PSMA8: variants seen among roughly 807,000 people sequenced by gnomAD.
PSMA8 encodes the protein proteasome subunit alpha-type 8.
Under a neutral mutation model 32.4 loss-of-function variants are expected in PSMA8, and 18 were observed. That is an observed-to-expected ratio of 0.56 (90% CI 0.38 to 0.82). PSMA8 has a LOEUF of 0.82. PSMA8 is among the 40% of genes least tolerant of loss of function. PSMA8 has a pLI of 0.00. For synonymous variants in PSMA8, 104 were observed against 98.1 expected (o/e 1.06, Z -0.36); for missense variants, 298 against 300.7 (o/e 0.99, Z 0.07).
chr18:26,142,759 T>G (rs1253087901), intron 1 of PSMA8, among the ~76,000 whole-genome samples: 1 of 152,180 alleles, frequency 6.6e-6, no homozygotes, highest in Non-Finnish European at 1.5e-5. Flanking sequence ...TCTTGCTGTG[T>G]CCTCACATGG....
intron 6 of PSMA8, among the ~76,000 whole-genome samples, chr18:26,186,248 CAAAAAAAAAA>C (rs534639436): frequency 3.6e-4 from 10 of 27,828 alleles, no homozygotes; most frequent in African/African-American, 6.1e-4. Context: ...GACTCTGTCT[CAAAAAAAAAA>C]AAAAAAAAAA....
chr18:26,148,252 G>A (rs1312772132), intron 2 of PSMA8, among the ~76,000 whole-genome samples: 1 of 151,996 alleles, frequency 6.6e-6, no homozygotes, highest in Non-Finnish European at 1.5e-5. Context: ...CTTATGAGCA[G>A]TGAGCAAAAA....
chr18:26,189,919 C>T (rs117888077), intron 6 of PSMA8, among the ~76,000 whole-genome samples: 6 of 152,152 alleles, frequency 3.9e-5, no homozygotes, highest in Non-Finnish European at 7.4e-5. Flanking sequence ...GATGAATGTA[C>T]GAAGACAATG....
At chr18:26,180,126 G>A (rs1470717253) in intron 6 of PSMA8, among the ~76,000 whole-genome samples, 9 of 151,978 alleles carry the variant, frequency 5.9e-5, no homozygotes, top group East Asian at 1.9e-4. Context: ...GGTGGCAGAC[G>A]CCTGTGATCC....
chr18:26,151,842 T>G lies in PSMA8; in HGVS notation c.230-16T>G. ...ATGTTTTTGTGGTTTTTGTGAAGTT[T>G]TGACAATTTTTATAGGACTTACTGC... On this transcript the variant is annotated splice_polypyrimidine_tract_variant and intron_variant, in intron 2 of 6. Transcript: ENST00000415576. The G allele has an allele frequency of 6.4e-7, 1 of 1,573,414 alleles. No homozygotes were observed. Among genetic ancestry groups the G allele is most frequent in the Non-Finnish European group, 8.6e-7 (1 of 1,165,384 alleles).
At chr18:26,142,374 C>T (rs555505164) in intron 1 of PSMA8, among the ~76,000 whole-genome samples, 2 of 152,232 alleles carry the variant, frequency 1.3e-5, no homozygotes, top group South Asian at 2.1e-4. Context: ...CACTTGACTA[C>T]AAAGCAATTA....
chr18:26,140,227 C>A, intron 1 of PSMA8: 1 of 679,216 alleles, frequency 1.5e-6, no homozygotes, highest in South Asian at 1.6e-5. Flanking sequence ...ATGCCTAGGT[C>A]AGCAGGCAGG....
At chr18:26,150,022 T>C (rs1199679877) in intron 2 of PSMA8, among the ~76,000 whole-genome samples, 2 of 152,200 alleles carry the variant, frequency 1.3e-5, no homozygotes, top group Non-Finnish European at 2.9e-5. Flanking sequence ...ACACACCCAA[T>C]TGGAAAATCC....
At chr18:26,184,773 C>CAA (rs1278227957) in intron 6 of PSMA8, among the ~76,000 whole-genome samples, 14 of 76,992 alleles carry the variant, frequency 1.8e-4, no homozygotes, top group South Asian at 8.0e-4. Context: ...GACTCTGTCT[C>CAA]AAAAAAAAAA....
rs112894067 is a variant in PSMA8 at position 26,183,091 on chromosome 18, C to CA, written c.660+3969dup. Reference sequence around the variant, plus strand: ...AGGGCAGCAGAACGAGACTCTGTCTCAAAAAAAACAAACAAAAAGGCCGGG... The same window carrying CA: ...AGGGCAGCAGAACGAGACTCTGTCTCAAAAAAAAACAAACAAAAAGGCCGGG... On this transcript the variant is annotated intron_variant, in intron 6 of 6. Coordinates refer to ENST00000415576, the MANE Select transcript of PSMA8 (RefSeq NM_001025096.2). 1.4e-4 allele frequency among the ~76,000 whole-genome samples: 21 copies of CA among 146,832 alleles called. 2 individuals are homozygous for CA. The highest frequency in any genetic ancestry group is 7.1e-3 in the Middle Eastern group (2 of 282).
intron 1 of PSMA8, among the ~76,000 whole-genome samples, chr18:26,134,336 T>TATGG: frequency 6.9e-6 from 1 of 144,708 alleles, no homozygotes; most frequent in Admixed American, 7.1e-5. Flanking sequence ...AGGGTGTGTG[T>TATGG]GTGGGTGTGT....
chr18:26,189,278 A>T (rs1447563679), intron 6 of PSMA8, among the ~76,000 whole-genome samples: 1 of 152,216 alleles, frequency 6.6e-6, no homozygotes, highest in Non-Finnish European at 1.5e-5. Context: ...TTGTAATCCC[A>T]GCACTTTGGG....
chr18:26,180,604 G>A (rs1359838009), intron 6 of PSMA8, among the ~76,000 whole-genome samples: 1 of 151,990 alleles, frequency 6.6e-6, no homozygotes, highest in Non-Finnish European at 1.5e-5. Context: ...AGAGCCCAGG[G>A]ACAGATGCAG....
chr18:26,160,960 A>T (rs2055130488), intron 4 of PSMA8, among the ~76,000 whole-genome samples: 1 of 152,190 alleles, frequency 6.6e-6, no homozygotes, highest in Non-Finnish European at 1.5e-5. Flanking sequence ...GCCTCCAGAA[A>T]ATACTTTGAA....
intron 4 of PSMA8, among the ~76,000 whole-genome samples, chr18:26,165,542 T>C (rs1196355338): frequency 1.3e-5 from 2 of 152,030 alleles, no homozygotes; most frequent in Admixed American, 1.3e-4. Flanking sequence ...GAACAGTAGC[T>C]AGAGGAGAAT....
chr18:26,158,807 A>G (rs1420832841), intron 4 of PSMA8, among the ~76,000 whole-genome samples: 1 of 152,184 alleles, frequency 6.6e-6, no homozygotes, highest in Non-Finnish European at 1.5e-5. Flanking sequence ...CTCAAATCCA[A>G]TACAAAAGTA....
intron 1 of PSMA8, chr18:26,140,059 G>A (rs2054942544): frequency 2.8e-6 from 2 of 702,836 alleles, no homozygotes; most frequent in African/African-American, 1.7e-5. Context: ...ATGTTTCTCT[G>A]ATTGTTCACG....
At chr18:26,150,444 C>A (rs1305650618) in intron 2 of PSMA8, among the ~76,000 whole-genome samples, 1 of 151,898 alleles carries the variant, frequency 6.6e-6, no homozygotes, top group African/African-American at 2.4e-5. Context: ...CTCAAGCAAT[C>A]CCCCCGCCGC....
chr18:26,188,540 C>T (rs1307703217), intron 6 of PSMA8, among the ~76,000 whole-genome samples: 1 of 151,970 alleles, frequency 6.6e-6, no homozygotes, highest in African/African-American at 2.4e-5. Flanking sequence ...GCCAAAGCTG[C>T]CCTAAGCAAA....
Sources: allele counts gnomAD v4.1 joint callset (sites outside exome capture counted in the v4.1 genomes callset), GRCh38; gene constraint gnomAD v4.1.1; transcripts MANE v1.5; gene names NCBI Gene and HGNC (gene_info 2026-07-23, HGNC 2026-07-21).